The following SORCS1 variants were observed in gnomAD, a reference collection of about 807,000 sequenced individuals.
The protein encoded by SORCS1 is VPS10 domain-containing receptor SorCS1.
In SORCS1, 60 loss-of-function variants were observed where a neutral mutation model predicts 146.1. The observed-to-expected ratio is 0.41, with a 90% CI of 0.33 to 0.51. SORCS1 has a LOEUF of 0.51. Among genes scored for constraint, SORCS1 ranks in the 20% least tolerant of loss-of-function variants. SORCS1 has a pLI of 0.21. For missense variants in SORCS1, 1,352 were observed against 1,487.6 expected, an observed-to-expected ratio of 0.91 and a Z score of 1.50; for synonymous variants, 637 against 584.0, an observed-to-expected ratio of 1.09 and a Z score of -1.31.
intron 1 of SORCS1, among the ~76,000 whole-genome samples, chr10:107,062,130 C>A (rs921149592): frequency 6.6e-6 from 1 of 152,046 alleles, no homozygotes; most frequent in Non-Finnish European, 1.5e-5. Context: ...TAGGAAGCTA[C>A]CTGTGTACAA....
At chr10:106,752,441 T>C (rs1858328439) in intron 5 of SORCS1, among the ~76,000 whole-genome samples, 1 of 152,170 alleles carries the variant, frequency 6.6e-6, no homozygotes, top group Non-Finnish European at 1.5e-5. Context: ...AATTAATCAT[T>C]GCTAAAATAA....
chr10:106,836,067 A>G lies in SORCS1; in HGVS notation c.627-6394T>C, dbSNP rs549002992. Among the ~76,000 whole-genome samples, 10 of 152,254 alleles carry G rather than the reference A, an allele frequency of 6.6e-5. No individual in the cohort carries two copies. In the East Asian group the frequency reaches 1.5e-3, roughly 24 times the overall value. The stretch of plus-strand genomic sequence containing the variant: ...AACGAATGCTCTTTGAGTACATACA[A>G]TGTTATCTGAGCTCTTCACATGTAG... On this transcript the variant is annotated intron_variant, in intron 2 of 25. Transcript: ENST00000263054.
chr10:106,654,861 T>A (rs1850159987), intron 17 of SORCS1, among the ~76,000 whole-genome samples: 1 of 152,194 alleles, frequency 6.6e-6, no homozygotes, highest in Admixed American at 6.5e-5. Flanking sequence ...CTGATTTTTT[T>A]TTTTTGTTTG....
chr10:106,996,611 T>C (rs760227931), intron 1 of SORCS1, among the ~76,000 whole-genome samples: 4 of 152,204 alleles, frequency 2.6e-5, no homozygotes, highest in Admixed American at 6.5e-5. Context: ...CACTTGCCTT[T>C]CGTCGTACCA....
At chr10:107,009,027 A>G (rs1957577244) in intron 1 of SORCS1, among the ~76,000 whole-genome samples, 1 of 152,228 alleles carries the variant, frequency 6.6e-6, no homozygotes, top group African/African-American at 2.4e-5. Flanking sequence ...AATGGTTATT[A>G]TAACTCTCTA....
At chr10:106,825,581 T>G (rs931387437) in intron 3 of SORCS1, among the ~76,000 whole-genome samples, 7 of 152,132 alleles carry the variant, frequency 4.6e-5, no homozygotes, top group African/African-American at 1.7e-4. Flanking sequence ...CAAGTTTTTT[T>G]TTTTTCTTTG....
At chr10:106,725,933 GAA>G (rs58266957) in intron 6 of SORCS1, among the ~76,000 whole-genome samples, 60,291 of 134,426 alleles carry the variant, frequency 0.45, 13,734 homozygotes, top group Admixed American at 0.57. Flanking sequence ...TCTGTCTCAG[GAA>G]AAAAAAAAAA....
intron 13 of SORCS1, among the ~76,000 whole-genome samples, chr10:106,676,730 A>G (rs1352268245): frequency 1.3e-5 from 2 of 152,088 alleles, no homozygotes; most frequent in African/African-American, 4.8e-5. Context: ...CATAGAACTG[A>G]TGTTTATGGT....
At chr10:107,063,492 T>G (rs2134129182) in intron 1 of SORCS1, among the ~76,000 whole-genome samples, 1 of 152,316 alleles carries the variant, frequency 6.6e-6, no homozygotes, top group Admixed American at 6.5e-5. Flanking sequence ...AGTAACCATG[T>G]GTACCATATC....
chr10:106,975,629 C>T (rs1486988734), intron 1 of SORCS1, among the ~76,000 whole-genome samples: 1 of 152,226 alleles, frequency 6.6e-6, no homozygotes, highest in East Asian at 1.9e-4. Flanking sequence ...TTGTCACTCT[C>T]CTCTTCAGAA....
rs1350483911 is a variant in SORCS1 at position 106,803,585 on chromosome 10, C to G, written c.726+25989G>C. On this transcript the variant is annotated intron_variant, in intron 3 of 25. Coordinates refer to ENST00000263054, the MANE Select transcript of SORCS1 (RefSeq NM_052918.5). ...GGGTACTGGTCATACTCAGTATCTT[C>G]TCTCCAACCTCTATCAGCTCTTTAG... Among the ~76,000 whole-genome samples the G allele has an allele frequency of 2.0e-5, 3 of 152,172 alleles. No homozygotes were observed. In the East Asian group the frequency reaches 5.8e-4, roughly 29 times the overall value.
At chr10:106,744,530 C>A (rs1857582437) in intron 5 of SORCS1, among the ~76,000 whole-genome samples, 1 of 152,174 alleles carries the variant, frequency 6.6e-6, no homozygotes, top group South Asian at 2.1e-4. Flanking sequence ...GTAGTCTTCC[C>A]TTACCCACAA....
At chr10:106,850,509 C>A (rs982581009) in intron 2 of SORCS1, among the ~76,000 whole-genome samples, 1 of 152,122 alleles carries the variant, frequency 6.6e-6, no homozygotes, top group Non-Finnish European at 1.5e-5. Context: ...GAGATGAACC[C>A]GGTACCTCAG....
intron 2 of SORCS1, among the ~76,000 whole-genome samples, chr10:106,955,209 T>C (rs1055777629): frequency 3.9e-5 from 6 of 152,238 alleles, no homozygotes; most frequent in African/African-American, 1.4e-4. Context: ...TGTGTTATGC[T>C]GTAACACCCC....
In SORCS1 at chr10:106,577,359, C is replaced by A; in HGVS notation, c.*61G>T. 2.5e-6 allele frequency: 4 copies of A among 1,612,598 alleles called. No individual in the cohort carries two copies. The highest frequency in any genetic ancestry group is 3.4e-6 in the Non-Finnish European group (4 of 1,179,132). ...GTTAGTGGTCATGAAGGATGATGTA[C>A]TTGACAAGAGCGAAATTCTTTCCTG... On this transcript the variant is annotated 3_prime_UTR_variant, in exon 26 of 26. Coordinates refer to ENST00000263054, the MANE Select transcript of SORCS1 (RefSeq NM_052918.5).
chr10:106,857,948 T>C (rs1419603251), intron 2 of SORCS1, among the ~76,000 whole-genome samples: 1 of 152,192 alleles, frequency 6.6e-6, no homozygotes, highest in Admixed American at 6.5e-5. Flanking sequence ...CGAAATACGT[T>C]TGCCTGTCAG....
intron 6 of SORCS1, among the ~76,000 whole-genome samples, chr10:106,715,049 G>C (rs547294727): frequency 6.6e-6 from 1 of 152,278 alleles, no homozygotes; most frequent in African/African-American, 2.4e-5. Flanking sequence ...AGTGTTCCTG[G>C]TTTGTTCCCT....
chr10:106,772,338 C>A (rs112494385), intron 4 of SORCS1, among the ~76,000 whole-genome samples: 5 of 152,132 alleles, frequency 3.3e-5, no homozygotes, highest in Non-Finnish European at 7.4e-5. Context: ...ATTCTCAGGC[C>A]TTCAAACTTG....
At chr10:106,751,279 C>T (rs1220816877) in intron 5 of SORCS1, among the ~76,000 whole-genome samples, 6 of 152,052 alleles carry the variant, frequency 3.9e-5, no homozygotes, top group Non-Finnish European at 7.4e-5. Context: ...TTCTCTGCCA[C>T]TTCTCCCTGC....
Sources: gnomAD v4.1 joint callset for allele counts (sites outside exome capture counted in the v4.1 genomes callset) on GRCh38, gnomAD v4.1.1 for gene constraint, MANE v1.5 for transcripts, NCBI Gene and HGNC (gene_info 2026-07-23, HGNC 2026-07-21) for gene names.